The following HERC2 variants were observed in gnomAD, a reference collection of about 807,000 sequenced individuals.
HERC2 encodes the protein E3 ubiquitin-protein ligase HERC2.
Under a neutral mutation model 537.7 loss-of-function variants are expected in HERC2, and 102 were observed. The ratio of observed to expected loss-of-function variants is 0.19; its 90% CI spans 0.16 to 0.22. The LOEUF is 0.22. Ranked by LOEUF, HERC2 falls within the 10% of genes least tolerant of loss-of-function variation. The pLI is 1.00. For missense variants in HERC2, 4,236 were observed against 6,198.2 expected (o/e 0.68, Z 10.63); for synonymous variants, 2,224 against 2,466.2 (o/e 0.90, Z 2.91).
chr15:28,269,523 A>G (rs1198695529), intron 10 of HERC2, 87 bp from the exon 11 acceptor site: 2 of 1,055,320 alleles, frequency 1.9e-6, no homozygotes, highest in Non-Finnish European at 2.8e-6. Context: ...ACAAAATAAA[A>G]ACAAAGCAAA....
chr15:28,253,683 C>T (rs953227222), intron 20 of HERC2, among the ~76,000 whole-genome samples: 1 of 152,206 alleles, frequency 6.6e-6, no homozygotes, highest in Admixed American at 6.5e-5. Context: ...CAATACAGGC[C>T]GGGAACAGTG....
intron 52 of HERC2, among the ~76,000 whole-genome samples, chr15:28,194,550 C>A (rs943908921): frequency 2.0e-5 from 3 of 151,312 alleles, no homozygotes; most frequent in Admixed American, 6.6e-5. Flanking sequence ...CCAGCCTGGG[C>A]GACAGAGCGA....
chr15:28,304,186 A>G (rs1231761306), intron 2 of HERC2, among the ~76,000 whole-genome samples: 1 of 151,146 alleles, frequency 6.6e-6, no homozygotes, highest in Admixed American at 6.6e-5. Flanking sequence ...AAAAAAAAAA[A>G]AAAAAACAGA....
At chr15:28,187,759 T>C (rs140591282) in intron 55 of HERC2, among the ~76,000 whole-genome samples, 28 of 152,356 alleles carry the variant, frequency 1.8e-4, no homozygotes, top group African/African-American at 6.3e-4. Flanking sequence ...ATTTTATTGT[T>C]GCCTCATTCA....
At chr15:28,162,942 T>G in intron 69 of HERC2, 152 bp downstream of exon 69, 1 of 640,132 alleles carries the variant, frequency 1.6e-6, no homozygotes, top group East Asian at 2.7e-5. Context: ...GCTAAAACGT[T>G]TTGCTCTAAA....
chr15:28,147,804 G>A (rs1384045198), intron 70 of HERC2, among the ~76,000 whole-genome samples: 1 of 152,176 alleles, frequency 6.6e-6, no homozygotes, highest in African/African-American at 2.4e-5. Context: ...GGGAGGCCCA[G>A]CTGGGAGGAC....
chr15:28,143,782 C>A, intron 74 of HERC2, 91 bp downstream of exon 74: 2 of 1,523,800 alleles, frequency 1.3e-6, no homozygotes, highest in Non-Finnish European at 1.8e-6. Flanking sequence ...CTCCCCAACT[C>A]CTCTCAACGA....
intron 73 of HERC2, 21 bp from the exon 74 acceptor site, chr15:28,144,012 G>C: frequency 1.9e-6 from 3 of 1,614,180 alleles, no homozygotes; most frequent in Non-Finnish European, 2.5e-6. Context: ...CAGAGAGAAA[G>C]TATCAGAAGT....
chr15:28,223,645 C>G (rs1471819302), intron 35 of HERC2, among the ~76,000 whole-genome samples: 1 of 152,162 alleles, frequency 6.6e-6, no homozygotes, highest in Non-Finnish European at 1.5e-5. Flanking sequence ...AATAAATTTG[C>G]AAGCAAAACT....
chr15:28,152,568 ACTT>A (rs979006789), intron 70 of HERC2, 106 bp downstream of exon 70: 4 of 1,019,482 alleles, frequency 3.9e-6, no homozygotes, highest in African/African-American at 1.7e-5. Flanking sequence ...CAATTCTGTA[ACTT>A]CTTTTTATAA....
intron 55 of HERC2, among the ~76,000 whole-genome samples, chr15:28,187,071 C>T (rs1335495084): frequency 6.6e-6 from 1 of 152,174 alleles, no homozygotes; most frequent in Non-Finnish European, 1.5e-5. Context: ...TTTCTTGAAC[C>T]AAGATGCTTT....
intron 83 of HERC2, among the ~76,000 whole-genome samples, chr15:28,126,593 G>T (rs907545857): frequency 1.3e-5 from 2 of 152,314 alleles, no homozygotes; most frequent in Middle Eastern, 3.4e-3. Context: ...ACCTGGATGG[G>T]ACTAGAGACC....
rs374196761 is a variant in HERC2, at chr15:28,113,308, C to T, written c.14020-25G>A. ...CCTGCGGGAGGATGTCTGTCAGGGCCGCGTGATGCTTCCCACCCTGGCATT... is the reference window on the plus strand; with the variant it reads ...CCTGCGGGAGGATGTCTGTCAGGGCTGCGTGATGCTTCCCACCCTGGCATT... On this transcript the variant is annotated intron_variant, in intron 91 of 92. Transcript: ENST00000261609. The surrounding 1 kb of genome is among the most constrained non-coding windows in gnomAD (Gnocchi z 7.0). 47 of 1,605,588 alleles carry T rather than the reference C, an allele frequency of 2.9e-5. No homozygotes were observed. Among genetic ancestry groups the T allele is most frequent in the South Asian group, 1.9e-4 (17 of 90,860 alleles).
intron 55 of HERC2, 67 bp from the exon 56 acceptor site, chr15:28,186,819 A>G: frequency 8.4e-7 from 1 of 1,194,910 alleles, no homozygotes; most frequent in South Asian, 1.4e-5. Context: ...TAACTGGAGA[A>G]CGGGATGTGT....
At position 28,215,708 on chromosome 15, in the gene HERC2, G is replaced by A. The variant is rs148503135; in HGVS notation, c.6123C>T (p.Gly2041=). The change falls in exon 39 of 93, where the codon GGC becomes GGT. Residue 2041 remains glycine (G), a synonymous_variant. Coordinates refer to ENST00000261609, the MANE Select transcript of HERC2 (RefSeq NM_004667.6). ...TGATCCACTGCGGGGAGCTGAGGGC[G>A]CCGCATACCTGCGGCGTGAGAGCGA... The part of the protein sequence containing the change: ...RSIALTPQVC[G]ALSSPQWITL... The A allele has an allele frequency of 1.1e-3, 1,734 of 1,611,966 alleles. 4 individuals are homozygous for A. Among genetic ancestry groups the A allele is most frequent in the Non-Finnish European group, 1.2e-3 (1,467 of 1,179,824 alleles).
At chr15:28,164,473 A>G (rs946280226) in intron 68 of HERC2, among the ~76,000 whole-genome samples, 1 of 152,238 alleles carries the variant, frequency 6.6e-6, no homozygotes, top group Non-Finnish European at 1.5e-5. Flanking sequence ...GAAGGACAGC[A>G]AAAGCATTCA....
intron 38 of HERC2, among the ~76,000 whole-genome samples, chr15:28,217,152 T>C (rs1900013092): frequency 6.6e-6 from 1 of 152,144 alleles, no homozygotes. Context: ...TCACCAACCC[T>C]CACTGACTTA....
In HERC2 at chr15:28,220,526, T is replaced by C. The variant is rs1900413779; in HGVS notation, c.5771A>G (p.Tyr1924Cys). 1.2e-6 allele frequency: 2 copies of C among 1,601,846 alleles called. No homozygotes were observed. The highest frequency in any genetic ancestry group is 2.7e-5 in the African/African-American group (2 of 74,876). Reference protein sequence around the residue: ...NSYRMGKEGKYDLKLAELPAA... With the variant: ...NSYRMGKEGKCDLKLAELPAA... ...CGGCAGCTCTGCCAGCTTGAGGTCGTATTTTCCTTCTTTCCCCATCCTGTA... is the reference window on the plus strand; with the variant it reads ...CGGCAGCTCTGCCAGCTTGAGGTCGCATTTTCCTTCTTTCCCCATCCTGTA... The change falls in exon 37 of 93, where the codon TAC becomes TGC. Residue 1924 changes from tyrosine to cysteine, a missense_variant. This residue lies in a region of HERC2 where 365 missense variants were observed against 468.8 expected (regional missense o/e 0.78). Transcript: ENST00000261609.
Position 28,228,414 on chromosome 15 carries a change from T to A in HERC2, c.5273-5A>T. Reference sequence around the variant, plus strand: ...GCAGGGGAACCGGCTGGATACCTAATGAGCATTGGCACCTACTGACATTTC... The same window carrying A: ...GCAGGGGAACCGGCTGGATACCTAAAGAGCATTGGCACCTACTGACATTTC... On this transcript the variant is annotated splice_region_variant and splice_polypyrimidine_tract_variant and intron_variant, in intron 34 of 92. Coordinates refer to ENST00000261609, the MANE Select transcript of HERC2 (RefSeq NM_004667.6). 1 of 1,611,850 alleles carries A rather than the reference T, an allele frequency of 6.2e-7. No individual in the cohort carries two copies. Among genetic ancestry groups the A allele is most frequent in the African/African-American group, 1.3e-5 (1 of 74,954 alleles).
Sources: gnomAD v4.1 joint callset for allele counts (sites outside exome capture counted in the v4.1 genomes callset) on GRCh38, gnomAD v4.1.1 for gene constraint, gnomAD v4.1.1 regional missense constraint, Gnocchi (gnomAD v3.1) non-coding constraint, MANE v1.5 for transcripts, NCBI Gene and HGNC (gene_info 2026-07-23, HGNC 2026-07-21) for gene names.